IMPG1: variants seen among roughly 807,000 people sequenced by gnomAD.
IMPG1 encodes interphotoreceptor matrix proteoglycan 1, also known as interphotoreceptor matrix proteoglycan of 150 kDa.
A neutral mutation model predicts 92.0 loss-of-function variants in IMPG1; 85 were observed. The observed-to-expected ratio is 0.92, with a 90% CI of 0.78 to 1.11. IMPG1 has a LOEUF of 1.11. Among genes scored for constraint, IMPG1 ranks in the 50% least tolerant of loss-of-function variants. The pLI, the probability that IMPG1 is intolerant of heterozygous loss-of-function variation, is 0.00. For synonymous variants in IMPG1, 367 were observed against 334.1 expected (o/e 1.10, Z -1.08); for missense variants, 1,022 against 956.0 (o/e 1.07, Z -0.91).
At chr6:76,044,372 G>C (rs1783896756) in intron 1 of IMPG1, among the ~76,000 whole-genome samples, 1 of 152,182 alleles carries the variant, frequency 6.6e-6, no homozygotes, top group African/African-American at 2.4e-5. Flanking sequence ...GGTCTAGGCA[G>C]TGTAACACAG....
Position 75,947,411 on chromosome 6 carries a change from G to A in IMPG1, c.1947C>T (p.Leu649=), listed in dbSNP as rs1298633694. 1.2e-6 allele frequency: 2 copies of A among 1,613,800 alleles called. No individual in the cohort carries two copies. The highest frequency in any genetic ancestry group is 2.2e-5 in the East Asian group (1 of 44,880). ...MKFAKSVPYN[L]TKAVHGVLED... is the part of the protein sequence containing the mutation. ...CCAAGACCCCGTGCACAGCCTTGGT[G>A]AGGTTATACGGCACTGACTTAGCAA... The change falls in exon 14 of 17, where the codon CTC becomes CTT. Residue 649 remains leucine (L), a synonymous_variant. Transcript: ENST00000369950.
chr6:75,951,045 A>C lies in IMPG1; in HGVS notation c.1341T>G (p.Ala447=), dbSNP rs369539625. ...TGCTTGATGCCATAAAGAAAGGTGG[A>C]GCTTCTGACAGGGAGGTAGAGGCCA... ...PAMASTSLSE[A]PPFFMASSIF... Residue 447 remains alanine (A), a synonymous_variant, in exon 13 of 17, where the codon GCT becomes GCG. Transcript: ENST00000369950. 1.3e-5 allele frequency: 21 copies of C among 1,613,606 alleles called. No individual in the cohort carries two copies. The highest frequency in any genetic ancestry group is 1.6e-5 in the Non-Finnish European group (19 of 1,179,764).
intron 12 of IMPG1, among the ~76,000 whole-genome samples, chr6:75,972,322 T>C (rs1001500350): frequency 7.2e-5 from 11 of 152,222 alleles, no homozygotes; most frequent in Non-Finnish European, 1.3e-4. Context: ...CTATCAAGAA[T>C]TGTTCCTGAC....
chr6:76,048,565 T>C (rs113781113), intron 1 of IMPG1, among the ~76,000 whole-genome samples: 1 of 152,174 alleles, frequency 6.6e-6, no homozygotes, highest in African/African-American at 2.4e-5. Context: ...CCCATCCTTT[T>C]TCACCTTTCA....
At chr6:75,993,736 T>A (rs1454964355) in intron 12 of IMPG1, among the ~76,000 whole-genome samples, 1 of 152,214 alleles carries the variant, frequency 6.6e-6, no homozygotes, top group Admixed American at 6.5e-5. Flanking sequence ...CTGAGTGATA[T>A]ATTTTTAAGA....
chr6:75,999,814 T>C (rs143625092), intron 12 of IMPG1, among the ~76,000 whole-genome samples: 1 of 152,334 alleles, frequency 6.6e-6, no homozygotes, highest in African/African-American at 2.4e-5. Flanking sequence ...TTTCTACTTA[T>C]AGAGCATTGA....
chr6:76,058,439 G>T (rs560176036), intron 1 of IMPG1, among the ~76,000 whole-genome samples: 12 of 152,220 alleles, frequency 7.9e-5, no homozygotes, highest in African/African-American at 2.9e-4. Flanking sequence ...CAGATACCTC[G>T]TTAAAAACTT....
intron 12 of IMPG1, among the ~76,000 whole-genome samples, chr6:75,989,761 T>C (rs552882393): frequency 6.6e-6 from 1 of 152,304 alleles, no homozygotes; most frequent in East Asian, 1.9e-4. Context: ...GAGAATCTCT[T>C]GAACCCATGA....
chr6:75,989,154 T>C (rs982402103), intron 12 of IMPG1, among the ~76,000 whole-genome samples: 1 of 152,132 alleles, frequency 6.6e-6, no homozygotes, highest in Non-Finnish European at 1.5e-5. Flanking sequence ...AATGGCATGA[T>C]CATAGCTCAC....
intron 1 of IMPG1, among the ~76,000 whole-genome samples, chr6:76,049,275 A>G (rs544033310): frequency 2.0e-5 from 3 of 152,334 alleles, no homozygotes; most frequent in South Asian, 2.1e-4. Context: ...GAAATAATCT[A>G]TACAACAAAC....
intron 12 of IMPG1, among the ~76,000 whole-genome samples, chr6:75,984,977 A>G (rs1782689484): frequency 1.3e-5 from 2 of 152,238 alleles, no homozygotes; most frequent in African/African-American, 4.8e-5. Context: ...CAGCCTGCAG[A>G]ACGGCAAGCC....
Position 76,012,084 on chromosome 6 carries a change from G to A in IMPG1, c.808-860C>T, listed in dbSNP as rs114890796. Among the ~76,000 whole-genome samples the A allele has an allele frequency of 5.6e-3, 846 of 152,236 alleles. 10 individuals carry two copies. Among genetic ancestry groups the A allele is most frequent in the African/African-American group, 0.019 (801 of 41,554 alleles). Reference sequence around the variant, plus strand: ...GATGATTACATTCAAAATGGCTGCTGTACTTAAAGTGGTAGAAATAGATTC... The same window carrying A: ...GATGATTACATTCAAAATGGCTGCTATACTTAAAGTGGTAGAAATAGATTC... On this transcript the variant is annotated intron_variant, in intron 7 of 16. Transcript: ENST00000369950.
intron 6 of IMPG1, among the ~76,000 whole-genome samples, chr6:76,019,206 C>G (rs967311207): frequency 6.6e-6 from 1 of 152,106 alleles, no homozygotes; most frequent in African/African-American, 2.4e-5. Flanking sequence ...CACTAAGGGC[C>G]AAGAGGTCAT....
At chr6:76,020,656 G>A (rs1264795436) in intron 6 of IMPG1, among the ~76,000 whole-genome samples, 1 of 152,052 alleles carries the variant, frequency 6.6e-6, no homozygotes, top group Non-Finnish European at 1.5e-5. Context: ...GCCTCCTTTG[G>A]GGCCTACTGC....
chr6:75,941,018 T>C (rs907637805), intron 14 of IMPG1, among the ~76,000 whole-genome samples: 1 of 152,242 alleles, frequency 6.6e-6, no homozygotes, highest in African/African-American at 2.4e-5. Flanking sequence ...GATTTCTTTC[T>C]GCTGACATCC....
At chr6:76,024,727 G>C (rs1003872070) in intron 5 of IMPG1, among the ~76,000 whole-genome samples, 9 of 152,176 alleles carry the variant, frequency 5.9e-5, no homozygotes, top group Admixed American at 2.0e-4. Flanking sequence ...AACACTATTT[G>C]TAATGTCAGA....
At position 76,002,718 on chromosome 6, in the gene IMPG1, C is replaced by T. The variant is rs114372943; in HGVS notation, c.1291+200G>A. On this transcript the variant is annotated intron_variant, in intron 12 of 16. Coordinates refer to ENST00000369950, the MANE Select transcript of IMPG1 (RefSeq NM_001563.4). ...CTGGCTGTAGGACTGGGAACTAGAG[C>T]TGAAGGAAGGATGCTGTGGATGTCC... Among the ~76,000 whole-genome samples, 728 of 152,308 alleles carry T rather than the reference C, an allele frequency of 4.8e-3. 2 individuals carry two copies. The highest frequency in any genetic ancestry group is 0.017 in the African/African-American group (697 of 41,580).
intron 1 of IMPG1, among the ~76,000 whole-genome samples, chr6:76,069,251 A>T (rs905193519): frequency 1.3e-5 from 2 of 152,130 alleles, no homozygotes; most frequent in Admixed American, 6.5e-5. Context: ...TAAACATGAG[A>T]CCTTAAAACT....
chr6:75,921,120 T>C lies in IMPG1; in HGVS notation c.*969A>G, dbSNP rs543451937. 6.6e-6 allele frequency: 1 copy of C among 152,336 alleles called. No individual in the cohort carries two copies. The highest frequency in any genetic ancestry group is 2.4e-5 in the African/African-American group (1 of 41,570). The allele number at this position is 152,336 out of a possible 1,614,324, so 9.4% of individuals were successfully genotyped here. On this transcript the variant is annotated 3_prime_UTR_variant, in exon 17 of 17. Transcript: ENST00000369950. Reference sequence around the variant, plus strand: ...AGGCTCATTAAAAAACCTATGAGTATATCACTTTTACTTTATTGAAATTAA... The same window carrying C: ...AGGCTCATTAAAAAACCTATGAGTACATCACTTTTACTTTATTGAAATTAA...
Sources: allele counts gnomAD v4.1 joint callset (sites outside exome capture counted in the v4.1 genomes callset), GRCh38; gene constraint gnomAD v4.1.1; transcripts MANE v1.5; gene names NCBI Gene and HGNC (gene_info 2026-07-23, HGNC 2026-07-21).